USP48: variants seen among roughly 807,000 people sequenced by gnomAD.
USP48 encodes ubiquitin carboxyl-terminal hydrolase 48.
Under a neutral mutation model 150.7 loss-of-function variants are expected in USP48, and 43 were observed. The observed-to-expected ratio is 0.29, with a 90% CI of 0.22 to 0.37. The LOEUF is 0.37. Among genes scored for constraint, USP48 ranks in the 10% least tolerant of loss-of-function variants. USP48 has a pLI of 1.00. For synonymous variants in USP48, 396 were observed against 425.9 expected (o/e 0.93, Z 0.86); for missense variants, 813 against 1,249.6 (o/e 0.65, Z 5.27).
chr1:21,689,860 A>C, intron 24 of USP48, 114 bp downstream of exon 24: 29 of 1,422,872 alleles, frequency 2.0e-5, no homozygotes, highest in Non-Finnish European at 2.6e-5. Flanking sequence ...GTCATTTATC[A>C]CTACCCTCTG....
intron 3 of USP48, among the ~76,000 whole-genome samples, 187 bp downstream of exon 3, chr1:21,756,359 T>C (rs1185529240): frequency 6.7e-6 from 1 of 149,340 alleles, no homozygotes; most frequent in Non-Finnish European, 1.5e-5. Context: ...CGGGCGCCTG[T>C]AATCCCAGCT....
intron 1 of USP48, among the ~76,000 whole-genome samples, chr1:21,782,503 G>C (rs771970760): frequency 6.6e-6 from 1 of 152,178 alleles, no homozygotes; most frequent in East Asian, 1.9e-4. Flanking sequence ...TTTTACAAAC[G>C]AAAGAGCCGT....
In USP48 at chr1:21,679,168, G is replaced by GCCCTCTC; in HGVS notation, c.*248_*249insGAGAGGG. ...TACTAAACTTGTTCCGTCTTTACTT[G>GCCCTCTC]CCCCCTCCCACCCACCACCCCCCTT... On this transcript the variant is annotated 3_prime_UTR_variant, in exon 27 of 27. Transcript: ENST00000308271. The GCCCTCTC allele has an allele frequency of 3.8e-6, 2 of 531,240 alleles. No homozygotes were observed. Among genetic ancestry groups the GCCCTCTC allele is most frequent in the Non-Finnish European group, 6.7e-6 (2 of 297,372 alleles). The allele number at this position is 531,240 out of a possible 1,614,324, so 32.9% of individuals were successfully genotyped here.
Position 21,764,524 on chromosome 1 carries a change from TG to T in USP48, c.135-6742del, listed in dbSNP as rs1001659028. Among the ~76,000 whole-genome samples the T allele has an allele frequency of 2.7e-5, 4 of 150,804 alleles. No individual in the cohort carries two copies. The Middle Eastern group carries it at 0.01, about 393-fold the overall frequency. ...GAGTTCAAGACCAACCTGGCCAAGA[TG>T]GTGAAACCCTGACTCTACTAAAAAT... is the stretch of plus-strand genomic sequence containing the variant. On this transcript the variant is annotated intron_variant, in intron 1 of 26. Coordinates refer to ENST00000308271, the MANE Select transcript of USP48 (RefSeq NM_032236.8).
chr1:21,757,272 T>C (rs962655544), intron 2 of USP48, among the ~76,000 whole-genome samples: 2 of 152,150 alleles, frequency 1.3e-5, no homozygotes, highest in African/African-American at 2.4e-5. Flanking sequence ...AAATTTAATG[T>C]ATATTTTTAA....
At chr1:21,747,501 T>C (rs1359503143) in intron 7 of USP48, among the ~76,000 whole-genome samples, 1 of 152,030 alleles carries the variant, frequency 6.6e-6, no homozygotes, top group Non-Finnish European at 1.5e-5. Flanking sequence ...GTGTAATGAG[T>C]ACAAAATTTA....
intron 5 of USP48, 135 bp from the exon 6 acceptor site, chr1:21,751,750 T>C (rs2097814708): frequency 1.4e-6 from 1 of 699,130 alleles, no homozygotes; most frequent in Admixed American, 2.9e-5. Flanking sequence ...TTATGTATAC[T>C]AAAAATGAAA....
At chr1:21,698,286 G>A (rs1022549088) in intron 22 of USP48, among the ~76,000 whole-genome samples, 17 of 152,046 alleles carry the variant, frequency 1.1e-4, no homozygotes, top group Admixed American at 1.0e-3. Context: ...ACATTTTAGA[G>A]TATTACAATA....
rs2097719559 is a variant in USP48 at position 21,721,100 on chromosome 1, C to T, written c.1830G>A (p.Leu610=). ...GTTCTGCATCACCATCTTGCTCATC[C>T]AGCTGTTCAAGAGCTAGCTGGCGCC... ...RSWRQLALEQ[L]DEQDGDAEQS... is the part of the protein sequence containing the mutation. The change falls in exon 14 of 27, where the codon CTG becomes CTA. Residue 610 remains leucine (L), a synonymous_variant. Transcript: ENST00000308271. The T allele has an allele frequency of 1.2e-6, 2 of 1,614,118 alleles. No individual in the cohort carries two copies. The highest frequency in any genetic ancestry group is 1.7e-6 in the Non-Finnish European group (2 of 1,180,044).
intron 8 of USP48, among the ~76,000 whole-genome samples, chr1:21,746,737 G>T (rs2097795545): frequency 6.6e-6 from 1 of 152,190 alleles, no homozygotes; most frequent in African/African-American, 2.4e-5. Flanking sequence ...TGTTAGTTTT[G>T]AGAAATGATA....
intron 8 of USP48, among the ~76,000 whole-genome samples, chr1:21,737,112 C>CA (rs2097770434): frequency 6.6e-6 from 1 of 152,168 alleles, no homozygotes; most frequent in East Asian, 1.9e-4. Context: ...AATTTGCTCT[C>CA]AAAACAGGTG....
chr1:21,715,800 A>G (rs2152535758), intron 14 of USP48, among the ~76,000 whole-genome samples: 1 of 152,338 alleles, frequency 6.6e-6, no homozygotes, highest in African/African-American at 2.4e-5. Flanking sequence ...ATGTCATGGC[A>G]TGTCATTTTC....
At chr1:21,744,962 CTTT>C (rs1428268036) in intron 8 of USP48, among the ~76,000 whole-genome samples, 1 of 151,996 alleles carries the variant, frequency 6.6e-6, no homozygotes, top group Non-Finnish European at 1.5e-5. Flanking sequence ...AACAGATCTT[CTTT>C]TGGATCCATC....
intron 1 of USP48, among the ~76,000 whole-genome samples, chr1:21,776,951 G>GAA (rs113465243): frequency 7.7e-6 from 1 of 130,540 alleles, no homozygotes; most frequent in Admixed American, 7.9e-5. Flanking sequence ...CTGTCTCAAA[G>GAA]AAAAAAAAAA....
At chr1:21,713,899 AC>A (rs1354218109) in intron 15 of USP48, among the ~76,000 whole-genome samples, 1 of 152,182 alleles carries the variant, frequency 6.6e-6, no homozygotes, top group Non-Finnish European at 1.5e-5. Flanking sequence ...ACTCACAGAG[AC>A]CAAGACCCAA....
chr1:21,751,471 T>C (rs758340405), intron 6 of USP48, 36 bp downstream of exon 6: 9 of 1,486,908 alleles, frequency 6.1e-6, no homozygotes, highest in Admixed American at 1.7e-5. Flanking sequence ...TAACTGTTAA[T>C]GGGCAGGAAC....
intron 22 of USP48, among the ~76,000 whole-genome samples, chr1:21,701,218 T>G (rs1239759060): frequency 6.6e-6 from 1 of 150,726 alleles, no homozygotes; most frequent in Non-Finnish European, 1.5e-5. Flanking sequence ...TATAAAAAAT[T>G]AGCCGGGTGT....
intron 8 of USP48, among the ~76,000 whole-genome samples, chr1:21,738,673 T>C (rs2097774316): frequency 6.6e-6 from 1 of 151,860 alleles, no homozygotes. Flanking sequence ...TTTTTTTTTA[T>C]AGACAGGGTC....
At chr1:21,713,558 G>A (rs1000744157) in intron 15 of USP48, among the ~76,000 whole-genome samples, 1 of 152,180 alleles carries the variant, frequency 6.6e-6, no homozygotes, top group Admixed American at 6.5e-5. Context: ...GAGCTAAGGA[G>A]CACGAGGGCA....
Sources: gnomAD v4.1 joint callset for allele counts (sites outside exome capture counted in the v4.1 genomes callset) on GRCh38, gnomAD v4.1.1 for gene constraint, MANE v1.5 for transcripts, NCBI Gene and HGNC (gene_info 2026-07-23, HGNC 2026-07-21) for gene names.